Variants in RIMS2 observed in about 807,000 individuals in gnomAD.
RIMS2 encodes the protein regulating synaptic membrane exocytosis 2.
Under a neutral mutation model 174.4 loss-of-function variants are expected in RIMS2, and 59 were observed. That is an observed-to-expected ratio of 0.34 (90% CI 0.27 to 0.42). The LOEUF is 0.42. Among genes scored for constraint, RIMS2 ranks in the 10% least tolerant of loss-of-function variants. RIMS2 has a pLI of 1.00. For synonymous variants in RIMS2, 606 were observed against 572.5 expected (o/e 1.06, Z -0.84); for missense variants, 1,620 against 1,666.3 (o/e 0.97, Z 0.48).
chr8:103,528,731 G>T (rs1369651783), intron 1 of RIMS2, among the ~76,000 whole-genome samples: 2 of 152,100 alleles, frequency 1.3e-5, no homozygotes, highest in Non-Finnish European at 2.9e-5. Context: ...TGAGGGCTCT[G>T]TTCTGTTTCA....
At chr8:104,206,218 G>A (rs960414771) in intron 19 of RIMS2, among the ~76,000 whole-genome samples, 1 of 152,130 alleles carries the variant, frequency 6.6e-6, no homozygotes, top group Non-Finnish European at 1.5e-5. Context: ...GGGTTATTGA[G>A]TTATTTTTAT....
intron 17 of RIMS2, among the ~76,000 whole-genome samples, chr8:103,990,377 A>G (rs1318952286): frequency 1.3e-5 from 2 of 152,120 alleles, no homozygotes; most frequent in African/African-American, 4.8e-5. Flanking sequence ...AGTGTCTAAC[A>G]AGTATTGGCT....
At chr8:104,237,245 T>G (rs1304774241) in intron 19 of RIMS2, among the ~76,000 whole-genome samples, 1 of 152,180 alleles carries the variant, frequency 6.6e-6, no homozygotes. Context: ...ATTTAAAACT[T>G]TATTTACAAG....
At chr8:104,151,190 A>T (rs550114107) in intron 19 of RIMS2, among the ~76,000 whole-genome samples, 9 of 152,324 alleles carry the variant, frequency 5.9e-5, no homozygotes, top group African/African-American at 2.2e-4. Flanking sequence ...TGAGGAGGTG[A>T]AGGAGAGAAA....
chr8:103,670,197 C>G (rs1393361867), intron 1 of RIMS2, among the ~76,000 whole-genome samples: 2 of 152,334 alleles, frequency 1.3e-5, no homozygotes, highest in Middle Eastern at 3.4e-3. Context: ...TACCTTGGCC[C>G]TTTTTAAACA....
intron 17 of RIMS2, among the ~76,000 whole-genome samples, chr8:103,995,251 A>G (rs1279859943): frequency 6.6e-6 from 1 of 152,122 alleles, no homozygotes; most frequent in Non-Finnish European, 1.5e-5. Context: ...TGGGTCAGCC[A>G]TTGTGCACAA....
At chr8:103,906,053 T>C (rs1031583288) in intron 4 of RIMS2, among the ~76,000 whole-genome samples, 1 of 152,140 alleles carries the variant, frequency 6.6e-6, no homozygotes, top group Non-Finnish European at 1.5e-5. Context: ...TTCTGTACTA[T>C]TAAGCTGCAA....
chr8:103,713,783 C>T (rs972843549), intron 2 of RIMS2, among the ~76,000 whole-genome samples: 8 of 152,174 alleles, frequency 5.3e-5, no homozygotes, highest in Admixed American at 5.2e-4. Flanking sequence ...TTTCTAATGG[C>T]ATAAAGAGTC....
rs78348033 is a variant in RIMS2 at position 103,612,459 on chromosome 8, C to G, written c.177-84627C>G. On this transcript the variant is annotated intron_variant, in intron 1 of 23. Coordinates refer to ENST00000504942, the Ensembl canonical transcript of RIMS2. Reference sequence around the variant, plus strand: ...AAGGTGTTTCAGGTATTTGAATGGACATGGGTCTTAGGCCCAATACCACCG... The same window carrying G: ...AAGGTGTTTCAGGTATTTGAATGGAGATGGGTCTTAGGCCCAATACCACCG... Among the ~76,000 whole-genome samples, 1,493 of 152,318 alleles carry G rather than the reference C, an allele frequency of 9.8e-3. 21 individuals are homozygous for G. Among genetic ancestry groups the G allele is most frequent in the South Asian group, 0.049 (236 of 4,824 alleles).
intron 19 of RIMS2, among the ~76,000 whole-genome samples, chr8:104,103,070 G>A (rs1383905911): frequency 6.6e-6 from 1 of 152,102 alleles, no homozygotes; most frequent in Admixed American, 6.6e-5. Context: ...TTGAACCACT[G>A]ATTCATACTA....
chr8:104,015,450 TA>T (rs2095874046), intron 19 of RIMS2: 1 of 710,200 alleles, frequency 1.4e-6, no homozygotes, highest in Admixed American at 2.0e-5. Context: ...GATAGAACCT[TA>T]TGAAGGTCTG....
At chr8:103,592,628 A>T (rs2094315203) in intron 1 of RIMS2, among the ~76,000 whole-genome samples, 1 of 151,422 alleles carries the variant, frequency 6.6e-6, no homozygotes, top group African/African-American at 2.4e-5. Context: ...GATATATGTG[A>T]AGTCAAAACT....
chr8:104,212,572 A>T (rs2099110111), intron 19 of RIMS2, among the ~76,000 whole-genome samples: 2 of 152,056 alleles, frequency 1.3e-5, no homozygotes, highest in African/African-American at 4.8e-5. Context: ...AATTTTTGTT[A>T]TTTTTGTTGT....
chr8:103,554,026 T>G (rs1264470852), intron 1 of RIMS2, among the ~76,000 whole-genome samples: 1 of 152,188 alleles, frequency 6.6e-6, no homozygotes, highest in Non-Finnish European at 1.5e-5. Context: ...GACCCCTTCC[T>G]TATACCTTAT....
Position 103,823,101 on chromosome 8 carries a change from G to A in RIMS2, c.698+56564G>A, listed in dbSNP as rs558258058. ...TTTTTAGCCGTCTTTTTTATACAAC[G>A]AAGAGATCTGTATTTTCCTCTAGAT... On this transcript the variant is annotated intron_variant, in intron 3 of 23. Transcript: ENST00000504942. Among the ~76,000 whole-genome samples the A allele has an allele frequency of 7.9e-5, 12 of 151,780 alleles. No homozygotes were observed. In the South Asian group the frequency reaches 2.3e-3, roughly 29 times the overall value.
At chr8:103,863,596 T>A (rs1034439543) in intron 3 of RIMS2, among the ~76,000 whole-genome samples, 5 of 151,208 alleles carry the variant, frequency 3.3e-5, no homozygotes, top group African/African-American at 1.2e-4. Flanking sequence ...TGTTGGAAGT[T>A]TTTTTTTTGG....
At chr8:103,863,832 A>C (rs7462119) in intron 3 of RIMS2, among the ~76,000 whole-genome samples, 105,174 of 150,706 alleles carry the variant, frequency 0.7, 37,829 homozygotes, top group African/African-American at 0.83. Context: ...TTTTGTTTGT[A>C]CTGGTTAATC....
At chr8:103,594,241 G>A (rs1588515245) in intron 1 of RIMS2, among the ~76,000 whole-genome samples, 1 of 151,430 alleles carries the variant, frequency 6.6e-6, no homozygotes, top group South Asian at 2.1e-4. Flanking sequence ...GGCCTATTTA[G>A]TGCCACATTT....
At chr8:103,583,437 A>G (rs2132935405) in intron 1 of RIMS2, among the ~76,000 whole-genome samples, 1 of 152,338 alleles carries the variant, frequency 6.6e-6, no homozygotes, top group East Asian at 1.9e-4. Flanking sequence ...CACCAAGTGA[A>G]CTAAATAAGG....
Sources: gnomAD v4.1 joint callset for allele counts (sites outside exome capture counted in the v4.1 genomes callset) on GRCh38, gnomAD v4.1.1 for gene constraint, MANE v1.5 for transcripts, NCBI Gene and HGNC (gene_info 2026-07-23, HGNC 2026-07-21) for gene names.